Variants in C19orf12 observed in about 807,000 individuals in gnomAD.
C19orf12 encodes the protein protein C19orf12.
A neutral mutation model predicts 3.8 loss-of-function variants in C19orf12; 2 were observed. The observed-to-expected ratio is 0.53, with a 90% CI of 0.22 to 1.66. The LOEUF (loss-of-function observed/expected upper bound fraction) is 1.66, where lower values mean the gene tolerates loss of function less well. C19orf12 is among the 40% of genes most tolerant of loss of function. The probability of loss-of-function intolerance (pLI) is 0.20; values close to 1 mark genes in which losing one functional copy is unlikely to be tolerated. For missense variants in C19orf12, 156 were observed against 188.8 expected (o/e 0.83, Z 1.02); for synonymous variants, 89 against 84.6 (o/e 1.05, Z -0.28).
In C19orf12 at chr19:29,701,581, T is replaced by C; in HGVS notation, c.*1131A>G. The C allele has an allele frequency of 2.2e-6, 1 of 454,100 alleles. No homozygotes were observed. The allele number at this position is 454,100 out of a possible 1,614,324, so 28.1% of individuals were successfully genotyped here. On this transcript the variant is annotated 3_prime_UTR_variant, in exon 3 of 3. Transcript: ENST00000323670. The stretch of plus-strand genomic sequence containing the variant: ...GACCACAGTTACGGAGAGCTGACTG[T>C]ACTGGGGAAATCTTTAGGGTAGAAA...
In C19orf12 at chr19:29,702,520, G is replaced by T; in HGVS notation, c.*192C>A. The T allele has an allele frequency of 1.2e-6, 1 of 804,564 alleles. No homozygotes were observed. Among genetic ancestry groups the T allele is most frequent in the Non-Finnish European group, 2.1e-6 (1 of 477,580 alleles). The allele number at this position is 804,564 out of a possible 1,614,324, so 49.8% of individuals were successfully genotyped here. ...GCCAGTGCACATGCCACCAACACAT[G>T]CTGCTTCATCAGTAATTTCTGGAAC... On this transcript the variant is annotated 3_prime_UTR_variant, in exon 3 of 3. Coordinates refer to ENST00000323670, the MANE Select transcript of C19orf12 (RefSeq NM_031448.6).
rs758463880 is a variant in C19orf12 at position 29,698,974 on chromosome 19, A to G, written c.*3738T>C. ...ATAAAGAGAATATTAACACAGTATTACTGTAATACTTCAGCATTACAGTAG... is the reference window on the plus strand; with the variant it reads ...ATAAAGAGAATATTAACACAGTATTGCTGTAATACTTCAGCATTACAGTAG... On this transcript the variant is annotated 3_prime_UTR_variant, in exon 3 of 3. Transcript: ENST00000323670. 2.2e-6 allele frequency: 1 copy of G among 453,856 alleles called. No individual in the cohort carries two copies. Among genetic ancestry groups the G allele is most frequent in the South Asian group, 1.6e-5 (1 of 64,462 alleles). 28.1% of individuals were successfully genotyped at this position (453,856 alleles called of 1,614,324 possible). A position where few individuals can be genotyped will look rare whatever the true frequency, so the allele number is the denominator to read the frequency against.
intron 1 of C19orf12, among the ~76,000 whole-genome samples, chr19:29,712,969 G>A (rs1474461866): frequency 3.9e-5 from 6 of 152,196 alleles, no homozygotes; most frequent in Non-Finnish European, 8.8e-5. Flanking sequence ...CAGCACCACG[G>A]GTAGAGATGT....
chr19:29,702,245 T>C lies in C19orf12; in HGVS notation c.*467A>G. 1 of 455,378 alleles carries C rather than the reference T, an allele frequency of 2.2e-6. No individual in the cohort carries two copies. 28.2% of individuals were successfully genotyped at this position (455,378 alleles called of 1,614,324 possible). On this transcript the variant is annotated 3_prime_UTR_variant, in exon 3 of 3. Transcript: ENST00000323670. ...TAAACATGATTCCAGCATGGGCTGC[T>C]CCAAGGCCCTGAGACCCCAGGACCT...
rs1423574998 is a variant in C19orf12, at chr19:29,699,862, T to G, written c.*2850A>C. 8.8e-6 allele frequency: 4 copies of G among 453,754 alleles called. No homozygotes were observed. The highest frequency in any genetic ancestry group is 1.8e-5 in the Non-Finnish European group (4 of 226,710). The allele number at this position is 453,754 out of a possible 1,614,324, so 28.1% of individuals were successfully genotyped here. A position where few individuals can be genotyped will look rare whatever the true frequency, so the allele number is the denominator to read the frequency against. ...AATTTCTACAAAGAAGATACAGATA[T>G]ATAAATACTAAAACCACAGGAGCTG... On this transcript the variant is annotated 3_prime_UTR_variant, in exon 3 of 3. Transcript: ENST00000323670.
In C19orf12 at chr19:29,699,309, TAAAAAAAAAATAAA is replaced by T; in HGVS notation, c.*3389_*3402del. 1 of 338,776 alleles carries T rather than the reference TAAAAAAAAAATAAA, an allele frequency of 3.0e-6. No homozygotes were observed. The highest frequency in any genetic ancestry group is 5.7e-6 in the Non-Finnish European group (1 of 175,992). The allele number at this position is 338,776 out of a possible 1,614,324, so 21.0% of individuals were successfully genotyped here. A position where few individuals can be genotyped will look rare whatever the true frequency, so the allele number is the denominator to read the frequency against. The stretch of plus-strand genomic sequence containing the variant: ...GGTGAAACCCCGTCTCTACTAAAAA[TAAAAAAAAAATAAA>T]AAAATAAAAATTAGCCGGGCATGGT... On this transcript the variant is annotated 3_prime_UTR_variant, in exon 3 of 3. Transcript: ENST00000323670.
At position 29,701,986 on chromosome 19, in the gene C19orf12, G is replaced by A; in HGVS notation, c.*726C>T. Reference sequence around the variant, plus strand: ...CTGGAACTGAACCCACAATATCTCCGAGATATACCTGTACTTTTTACTAAA... The same window carrying A: ...CTGGAACTGAACCCACAATATCTCCAAGATATACCTGTACTTTTTACTAAA... On this transcript the variant is annotated 3_prime_UTR_variant, in exon 3 of 3. Coordinates refer to ENST00000323670, the MANE Select transcript of C19orf12 (RefSeq NM_031448.6). The A allele has an allele frequency of 4.4e-6, 2 of 454,028 alleles. No homozygotes were observed. Among genetic ancestry groups the A allele is most frequent in the Non-Finnish European group, 8.8e-6 (2 of 226,766 alleles). 28.1% of individuals were successfully genotyped at this position (454,028 alleles called of 1,614,324 possible). A position where few individuals can be genotyped will look rare whatever the true frequency, so the allele number is the denominator to read the frequency against.
chr19:29,709,637 C>T (rs558117686), intron 1 of C19orf12, among the ~76,000 whole-genome samples: 1 of 151,628 alleles, frequency 6.6e-6, no homozygotes, highest in South Asian at 2.1e-4. Flanking sequence ...TCAAGCGATC[C>T]TCCCACCTCA....
chr19:29,705,512 T>C (rs1437573856), intron 2 of C19orf12: 1 of 201,824 alleles, frequency 5.0e-6, no homozygotes, highest in African/African-American at 2.5e-5. Context: ...TTTCTTAGGT[T>C]TTTTTTTTTT....
intron 1 of C19orf12, among the ~76,000 whole-genome samples, chr19:29,714,144 TC>T (rs1972835859): frequency 6.6e-6 from 1 of 152,026 alleles, no homozygotes; most frequent in Non-Finnish European, 1.5e-5. Flanking sequence ...CGCCTCGGCC[TC>T]CCGAGTAGCT....
rs761322312 is a variant in C19orf12 at position 29,702,344 on chromosome 19, G to T, written c.*368C>A. ...ATCTCCCAAGATGAGAAGGCCCCGG[G>T]GGGAGGATGAAGTGTGGTCAGACCG... On this transcript the variant is annotated 3_prime_UTR_variant, in exon 3 of 3. Transcript: ENST00000323670. 2.1e-6 allele frequency: 1 copy of T among 487,706 alleles called. No homozygotes were observed. Among genetic ancestry groups the T allele is most frequent in the Admixed American group, 2.3e-5 (1 of 43,502 alleles). The allele number at this position is 487,706 out of a possible 1,614,324, so 30.2% of individuals were successfully genotyped here.
In C19orf12 at chr19:29,701,548, A is replaced by G; in HGVS notation, c.*1164T>C. ...TCCTATCCAAGGCTGGTTGGATCTAAATGTGGAGACCACAGTTACGGAGAG... is the reference window on the plus strand; with the variant it reads ...TCCTATCCAAGGCTGGTTGGATCTAGATGTGGAGACCACAGTTACGGAGAG... On this transcript the variant is annotated 3_prime_UTR_variant, in exon 3 of 3. Transcript: ENST00000323670. The G allele has an allele frequency of 4.4e-6, 2 of 454,152 alleles. No individual in the cohort carries two copies. The highest frequency in any genetic ancestry group is 8.8e-6 in the Non-Finnish European group (2 of 226,808). The allele number at this position is 454,152 out of a possible 1,614,324, so 28.1% of individuals were successfully genotyped here.
At position 29,714,902 on chromosome 19, in the gene C19orf12, C is replaced by T. The variant is rs1339985700; in HGVS notation, c.-11+223G>A. The T allele has an allele frequency of 4.5e-6, 3 of 667,404 alleles. No homozygotes were observed. Among genetic ancestry groups the T allele is most frequent in the Admixed American group, 2.1e-5 (1 of 48,006 alleles). 41.3% of individuals were successfully genotyped at this position (667,404 alleles called of 1,614,324 possible). A position where few individuals can be genotyped will look rare whatever the true frequency, so the allele number is the denominator to read the frequency against. On this transcript the variant is annotated intron_variant, in intron 1 of 2. Transcript: ENST00000323670. The stretch of plus-strand genomic sequence containing the variant: ...CGGGACTCTAGTCCCAGCTCTGCTG[C>T]TTACTTGTGTGACTTCAGCCTCTCC...
In C19orf12 at chr19:29,701,822, A is replaced by C; in HGVS notation, c.*890T>G. ...TTGAACAGTAAATATTTTTAAATTAAGGTTTGTACATTTGTTAGACATAAT... is the reference window on the plus strand; with the variant it reads ...TTGAACAGTAAATATTTTTAAATTACGGTTTGTACATTTGTTAGACATAAT... On this transcript the variant is annotated 3_prime_UTR_variant, in exon 3 of 3. Transcript: ENST00000323670. The C allele has an allele frequency of 2.2e-6, 1 of 452,720 alleles. No homozygotes were observed. The highest frequency in any genetic ancestry group is 4.4e-6 in the Non-Finnish European group (1 of 225,808). The allele number at this position is 452,720 out of a possible 1,614,324, so 28.0% of individuals were successfully genotyped here. A position where few individuals can be genotyped will look rare whatever the true frequency, so the allele number is the denominator to read the frequency against.
chr19:29,708,993 G>C (rs1972524208), intron 1 of C19orf12, among the ~76,000 whole-genome samples: 1 of 152,214 alleles, frequency 6.6e-6, no homozygotes, highest in African/African-American at 2.4e-5. Context: ...AGCAGGATGG[G>C]CAGGAAGTGC....
intron 1 of C19orf12, among the ~76,000 whole-genome samples, chr19:29,713,102 G>T (rs1401689242): frequency 6.6e-6 from 1 of 152,200 alleles, no homozygotes; most frequent in South Asian, 2.1e-4. Flanking sequence ...TTGCTAAAAA[G>T]CTCAGCTTCC....
In C19orf12 at chr19:29,699,805, C is replaced by G. The variant is rs1267123816; in HGVS notation, c.*2907G>C. 4.4e-6 allele frequency: 2 copies of G among 450,896 alleles called. No individual in the cohort carries two copies. The highest frequency in any genetic ancestry group is 3.2e-5 in the South Asian group (2 of 63,314). The allele number at this position is 450,896 out of a possible 1,614,324, so 27.9% of individuals were successfully genotyped here. A position where few individuals can be genotyped will look rare whatever the true frequency, so the allele number is the denominator to read the frequency against. ...CCTCCCGTACCTTTTAAATTTTGTA[C>G]CAGGCAGGTATTACTTATTCAAAAA... On this transcript the variant is annotated 3_prime_UTR_variant, in exon 3 of 3. Coordinates refer to ENST00000323670, the MANE Select transcript of C19orf12 (RefSeq NM_031448.6).
intron 1 of C19orf12, among the ~76,000 whole-genome samples, chr19:29,710,824 C>T (rs1190343673): frequency 6.6e-6 from 1 of 152,142 alleles, no homozygotes; most frequent in East Asian, 1.9e-4. Flanking sequence ...CAGAAGAGAA[C>T]CCCCTTCCAC....
At chr19:29,704,658 C>T (rs1049288043) in intron 2 of C19orf12, among the ~76,000 whole-genome samples, 10 of 152,148 alleles carry the variant, frequency 6.6e-5, no homozygotes, top group South Asian at 4.1e-4. Context: ...TGCAGAGAAG[C>T]GGAAGGTGCC....
Sources: allele counts gnomAD v4.1 joint callset (sites outside exome capture counted in the v4.1 genomes callset), GRCh38; gene constraint gnomAD v4.1.1; transcripts MANE v1.5; gene names NCBI Gene and HGNC (gene_info 2026-07-23, HGNC 2026-07-21).